Variants in SMIM10L3 observed in about 807,000 individuals in gnomAD.
The protein encoded by SMIM10L3 is salivary gland specific protein SAGSIN1.
the SMIM10L3 span, among the ~76,000 whole-genome samples, chr7:6,345,012 A>G: frequency 1.3e-5 from 2 of 151,990 alleles, no homozygotes; most frequent in African/African-American, 4.8e-5. Context: ...AAGTGCTGGG[A>G]TTTACAGGCG....
the SMIM10L3 span, chr7:6,331,018 C>T: frequency 3.1e-6 from 5 of 1,614,112 alleles, no homozygotes; most frequent in Non-Finnish European, 4.2e-6. Flanking sequence ...CTTATTCATC[C>T]AGGAGGGTGC....
At chr7:6,340,189 C>T in the SMIM10L3 span, among the ~76,000 whole-genome samples, 1 of 152,102 alleles carries the variant, frequency 6.6e-6, no homozygotes, top group Admixed American at 6.6e-5. Flanking sequence ...CCGGCCCCTC[C>T]CAGGATTCTG....
chr7:6,331,132 A>C, the SMIM10L3 span: 1 of 1,612,998 alleles, frequency 6.2e-7, no homozygotes, highest in Non-Finnish European at 8.5e-7. Context: ...GCAGGTGCCG[A>C]GGGGCCCTCT....
At chr7:6,335,825 A>C in the SMIM10L3 span, among the ~76,000 whole-genome samples, 1 of 152,236 alleles carries the variant, frequency 6.6e-6, no homozygotes, top group South Asian at 2.1e-4. Flanking sequence ...GCTTGAGCCC[A>C]GGGGTGTGAG....
At chr7:6,339,008 CAA>C in the SMIM10L3 span, among the ~76,000 whole-genome samples, 2 of 152,230 alleles carry the variant, frequency 1.3e-5, no homozygotes, top group East Asian at 3.9e-4. Context: ...GCTCATGGCC[CAA>C]ATGATCAGAC....
At chr7:6,345,119 G>A in the SMIM10L3 span, among the ~76,000 whole-genome samples, 10 of 149,568 alleles carry the variant, frequency 6.7e-5, no homozygotes, top group African/African-American at 2.0e-4. Flanking sequence ...TGTTTTTCTT[G>A]TTGTTGTTTA....
the SMIM10L3 span, among the ~76,000 whole-genome samples, chr7:6,346,339 G>C: frequency 6.6e-6 from 1 of 152,024 alleles, no homozygotes; most frequent in Non-Finnish European, 1.5e-5. Flanking sequence ...ACCTCAATTT[G>C]GACCTCAAAA....
the SMIM10L3 span, among the ~76,000 whole-genome samples, chr7:6,332,241 C>A: frequency 1.3e-5 from 2 of 152,044 alleles, no homozygotes; most frequent in Non-Finnish European, 2.9e-5. Flanking sequence ...TGTCTCTGAG[C>A]TGCTTTACAA....
chr7:6,345,408 C>T, the SMIM10L3 span, among the ~76,000 whole-genome samples: 1 of 152,156 alleles, frequency 6.6e-6, no homozygotes, highest in Non-Finnish European at 1.5e-5. Flanking sequence ...AGCCACCACA[C>T]CCAGCCCTCG....
chr7:6,346,462 G>A, the SMIM10L3 span, among the ~76,000 whole-genome samples: 1 of 152,088 alleles, frequency 6.6e-6, no homozygotes, highest in Non-Finnish European at 1.5e-5. Context: ...TGCCTCCCAG[G>A]CTCAAGCGAT....
chr7:6,334,404 A>C, the SMIM10L3 span, among the ~76,000 whole-genome samples: 1 of 151,590 alleles, frequency 6.6e-6, no homozygotes, highest in Non-Finnish European at 1.5e-5. Flanking sequence ...GGCATGGTGG[A>C]GCATGCCTGT....
the SMIM10L3 span, among the ~76,000 whole-genome samples, chr7:6,348,385 C>A: frequency 6.6e-6 from 1 of 152,206 alleles, no homozygotes; most frequent in African/African-American, 2.4e-5. Context: ...ACCCCCAGTG[C>A]CGCGTTTGCA....
At chr7:6,348,477 G>C in the SMIM10L3 span, 2 of 408,140 alleles carry the variant, frequency 4.9e-6, no homozygotes, top group Non-Finnish European at 8.7e-6. Context: ...CATACACTCA[G>C]CTTCTAGGCA....
chr7:6,342,824 G>A, the SMIM10L3 span, among the ~76,000 whole-genome samples: 3 of 151,640 alleles, frequency 2.0e-5, no homozygotes, highest in Non-Finnish European at 2.9e-5. Context: ...ATTAGTTGAG[G>A]CCAGGAGTTC....
the SMIM10L3 span, chr7:6,348,849 C>T: frequency 2.6e-6 from 1 of 391,466 alleles, no homozygotes; most frequent in Non-Finnish European, 4.5e-6. Context: ...GCTCAGGGAG[C>T]GAAGGAGGCG....
At chr7:6,337,231 C>T in the SMIM10L3 span, among the ~76,000 whole-genome samples, 1 of 152,118 alleles carries the variant, frequency 6.6e-6, no homozygotes. Context: ...GCCACCATGG[C>T]CCTGGCTGGT....
At chr7:6,329,549 G>C in the SMIM10L3 span, 1 of 153,680 alleles carries the variant, frequency 6.5e-6, no homozygotes, top group African/African-American at 2.4e-5. Context: ...AAATGTTTAA[G>C]TTTCACTTTG....
the SMIM10L3 span, among the ~76,000 whole-genome samples, chr7:6,342,565 G>A: frequency 6.6e-6 from 1 of 152,026 alleles, no homozygotes; most frequent in African/African-American, 2.4e-5. Flanking sequence ...TTTTTGAAAT[G>A]GTTAGAGGAG....
chr7:6,334,636 T>A, the SMIM10L3 span, among the ~76,000 whole-genome samples: 6 of 151,688 alleles, frequency 4.0e-5, no homozygotes, highest in African/African-American at 1.5e-4. Flanking sequence ...CCGGCTAATT[T>A]TTTATATTTT....
Sources: gnomAD v4.1 joint callset for allele counts (sites outside exome capture counted in the v4.1 genomes callset) on GRCh38, gnomAD v4.1.1 for gene constraint, MANE v1.5 for transcripts, NCBI Gene and HGNC (gene_info 2026-07-23, HGNC 2026-07-21) for gene names.